FLT1: variants seen among roughly 807,000 people sequenced by gnomAD.
FLT1 encodes the protein vascular endothelial growth factor receptor 1.
FLT1 carries 49 observed loss-of-function variants against 156.3 expected under a neutral mutation model. The observed-to-expected ratio is 0.31, with a 90% CI of 0.25 to 0.40. FLT1 has a LOEUF of 0.40. FLT1 is among the 10% of genes least tolerant of loss of function. The pLI is 1.00. For synonymous variants in FLT1, 594 were observed against 583.8 expected, an observed-to-expected ratio of 1.02 and a Z score of -0.25; for missense variants, 1,322 against 1,637.2, an observed-to-expected ratio of 0.81 and a Z score of 3.32.
chr13:28,386,380 T>C (rs558253922), intron 13 of FLT1: 2 of 1,014,442 alleles, frequency 2.0e-6, no homozygotes, highest in Admixed American at 1.1e-4. Context: ...TACTATCTGT[T>C]AGGAGAAACA....
In FLT1 at chr13:28,438,295, G is replaced by T. The variant is rs558999317; in HGVS notation, c.439C>A (p.His147Asn). The T allele has an allele frequency of 1.7e-5, 28 of 1,611,992 alleles. No individual in the cohort carries two copies. Among genetic ancestry groups the T allele is most frequent in the Non-Finnish European group, 2.3e-5 (27 of 1,178,114 alleles). Residue 147 changes from histidine to asparagine, a missense_variant, in exon 4 of 30, where the codon CAC becomes AAC. By Grantham distance (68) the His-to-Asn change is moderately conservative. Around this residue, in one of 3 missense-constraint regions of FLT1, gnomAD observed 991 missense variants for 1,254.8 expected, o/e 0.79. Transcript: ENST00000282397. Reference protein sequence around the residue: ...EMYSEIPEIIHMTEGRELVIP... With the variant: ...EMYSEIPEIINMTEGRELVIP... The stretch of plus-strand genomic sequence containing the variant: ...ACGAGCTCCCTTCCTTCAGTCATGT[G>T]TATAATTTCGGGGATTTCACTGTAC...
chr13:28,319,663 C>G (rs1271803233), intron 23 of FLT1, 129 bp from the exon 24 acceptor site: 1 of 684,330 alleles, frequency 1.5e-6, no homozygotes, highest in African/African-American at 1.8e-5. Flanking sequence ...GCTCTGGTTT[C>G]CTAACATAGA....
chr13:28,332,674 A>G (rs1871976878), intron 18 of FLT1, among the ~76,000 whole-genome samples: 1 of 152,186 alleles, frequency 6.6e-6, no homozygotes, highest in Non-Finnish European at 1.5e-5. Flanking sequence ...ACTTACGCTG[A>G]GCAGCTGTGT....
Position 28,302,072 on chromosome 13 carries a change from G to A in FLT1, c.*1095C>T, listed in dbSNP as rs911084995. 5 of 233,308 alleles carry A rather than the reference G, an allele frequency of 2.1e-5. No homozygotes were observed. Among genetic ancestry groups the A allele is most frequent in the Non-Finnish European group, 4.2e-5 (5 of 118,060 alleles). The allele number at this position is 233,308 out of a possible 1,614,324, so 14.5% of individuals were successfully genotyped here. ...GAATTGGTTTGGTTGGTATAGAGAC[G>A]GGGTTTTCCCTTGACCTTATTGACC... On this transcript the variant is annotated 3_prime_UTR_variant, in exon 30 of 30. Coordinates refer to ENST00000282397, the MANE Select transcript of FLT1 (RefSeq NM_002019.4).
intron 10 of FLT1, among the ~76,000 whole-genome samples, chr13:28,412,177 A>G (rs1475241195): frequency 6.6e-6 from 1 of 152,226 alleles, no homozygotes; most frequent in African/African-American, 2.4e-5. Context: ...ATCCTGTAGC[A>G]GGGCCTGATG....
chr13:28,344,269 C>A (rs1392101885), intron 16 of FLT1, among the ~76,000 whole-genome samples: 1 of 152,112 alleles, frequency 6.6e-6, no homozygotes, highest in African/African-American at 2.4e-5. Context: ...GTTCTCCACG[C>A]TGTAGCCCTG....
chr13:28,344,728 G>T (rs993472051), intron 16 of FLT1, among the ~76,000 whole-genome samples: 2 of 139,132 alleles, frequency 1.4e-5, no homozygotes, highest in Admixed American at 1.5e-4. Context: ...AGAAAGTATA[G>T]AAAAAGAGTC....
chr13:28,310,184 C>G (rs1271693772), intron 27 of FLT1, among the ~76,000 whole-genome samples: 1 of 152,102 alleles, frequency 6.6e-6, no homozygotes, highest in African/African-American at 2.4e-5. Flanking sequence ...GCCACTGTGC[C>G]CGGCCGCAAG....
intron 10 of FLT1, 91 bp downstream of exon 10, chr13:28,427,068 C>A (rs1446023234): frequency 6.0e-6 from 7 of 1,172,384 alleles, no homozygotes; most frequent in Non-Finnish European, 7.7e-6. Context: ...GTACATCCCA[C>A]ATGCAGATTC....
At chr13:28,423,236 G>A (rs1181723945) in intron 10 of FLT1, among the ~76,000 whole-genome samples, 2 of 152,160 alleles carry the variant, frequency 1.3e-5, no homozygotes. Flanking sequence ...CTCATGACAG[G>A]AAACCAATGA....
At chr13:28,442,701 T>TACACAC (rs111263665) in intron 3 of FLT1, among the ~76,000 whole-genome samples, 6,084 of 146,936 alleles carry the variant, frequency 0.041, 134 homozygotes, top group South Asian at 0.085. Flanking sequence ...TGACTGTAGA[T>TACACAC]ACACACACAC....
At chr13:28,472,388 A>C (rs1044023275) in intron 1 of FLT1, among the ~76,000 whole-genome samples, 3 of 152,174 alleles carry the variant, frequency 2.0e-5, no homozygotes, top group African/African-American at 7.2e-5. Context: ...AAAAGAGCCA[A>C]CTCCCACTGG....
At chr13:28,389,564 G>A in intron 13 of FLT1, 1 of 1,436,020 alleles carries the variant, frequency 7.0e-7, no homozygotes, top group Non-Finnish European at 9.1e-7. Flanking sequence ...CCCAGAGCTG[G>A]GGCCCGGGGG....
intron 14 of FLT1, chr13:28,368,436 G>A (rs1873390822): frequency 1.4e-6 from 2 of 1,474,104 alleles, no homozygotes; most frequent in Non-Finnish European, 1.8e-6. Flanking sequence ...ACAGGCGTGA[G>A]CCACCATGCC....
chr13:28,325,537 G>A (rs530358164), intron 20 of FLT1, among the ~76,000 whole-genome samples: 116 of 152,132 alleles, frequency 7.6e-4, no homozygotes, highest in African/African-American at 7.2e-4. Context: ...TTATTAGGCC[G>A]GGCACGGTGG....
chr13:28,486,032 T>C lies in FLT1; in HGVS notation c.64+8748A>G, dbSNP rs557717125. Among the ~76,000 whole-genome samples the C allele has an allele frequency of 2.0e-5, 3 of 152,358 alleles. No individual in the cohort carries two copies. In the East Asian group the frequency reaches 5.8e-4, roughly 29 times the overall value. On this transcript the variant is annotated intron_variant, in intron 1 of 29. Transcript: ENST00000282397. ...CTAAGTTTTGGCACATCTCGTTATG[T>C]AGAAATAGATGGCAGATCCAAATGG...
chr13:28,308,469 C>G, intron 28 of FLT1: 1 of 326,074 alleles, frequency 3.1e-6, no homozygotes, highest in Non-Finnish European at 6.0e-6. Flanking sequence ...CTCAAGGCTG[C>G]TTGCAGGAAC....
chr13:28,412,384 C>CT (rs1555236539), intron 10 of FLT1, among the ~76,000 whole-genome samples: 15 of 124,504 alleles, frequency 1.2e-4, no homozygotes, highest in East Asian at 7.2e-4. Context: ...TTCTTTCTTT[C>CT]TTTCTTTCTT....
At chr13:28,317,891 G>A (rs1871271100) in intron 24 of FLT1, among the ~76,000 whole-genome samples, 1 of 152,144 alleles carries the variant, frequency 6.6e-6, no homozygotes, top group South Asian at 2.1e-4. Flanking sequence ...TCGTCTGAAG[G>A]GTCCTTGCCT....
Sources: gnomAD v4.1 joint callset for allele counts (sites outside exome capture counted in the v4.1 genomes callset) on GRCh38, gnomAD v4.1.1 for gene constraint, gnomAD v4.1.1 regional missense constraint, MANE v1.5 for transcripts, NCBI Gene and HGNC (gene_info 2026-07-23, HGNC 2026-07-21) for gene names.